The following HMOX1 variants were observed in gnomAD, a reference collection of about 807,000 sequenced individuals.
HMOX1 encodes heme oxygenase 1.
HMOX1 carries 22 observed loss-of-function variants against 27.8 expected under a neutral mutation model. That is an observed-to-expected ratio of 0.79 (90% confidence interval 0.57 to 1.13). The LOEUF is 1.13. HMOX1 is among the 50% of genes most tolerant of loss of function. The pLI is 0.00. For synonymous variants in HMOX1, 153 were observed against 151.6 expected, an observed-to-expected ratio of 1.01 and a Z score of -0.07; for missense variants, 379 against 377.7, an observed-to-expected ratio of 1.00 and a Z score of -0.03.
rs945436973 is a variant in HMOX1 at position 35,385,853 on chromosome 22, G to A, written c.145-832G>A. On this transcript the variant is annotated intron_variant, in intron 2 of 4. Transcript: ENST00000216117. ...CTGGTCTCTTGGCCAGGCTGGTCTC[G>A]AACTCCTGATCTCGTGATCCGCCTG... Among the ~76,000 whole-genome samples the A allele has an allele frequency of 3.3e-5, 5 of 151,980 alleles. No individual in the cohort carries two copies. The South Asian group carries it at 6.2e-4, about 19-fold the overall frequency.
At chr22:35,382,422 G>T (rs966075837) in intron 1 of HMOX1, among the ~76,000 whole-genome samples, 11 of 152,084 alleles carry the variant, frequency 7.2e-5, no homozygotes, top group South Asian at 2.1e-4. Flanking sequence ...CGCGATCTCG[G>T]CTCACTGCAA....
intron 3 of HMOX1, 21 bp from the exon 4 acceptor site, chr22:35,389,843 T>C: frequency 6.5e-7 from 1 of 1,544,668 alleles, no homozygotes; most frequent in South Asian, 1.2e-5. Flanking sequence ...GAGATAGGCA[T>C]GTGTGTCTTT....
At chr22:35,382,276 T>C (rs568559287) in intron 1 of HMOX1, among the ~76,000 whole-genome samples, 83 of 152,210 alleles carry the variant, frequency 5.5e-4, no homozygotes, top group African/African-American at 1.9e-3. Flanking sequence ...GACTGAAGAG[T>C]GTTTACAAAG....
In HMOX1 at chr22:35,390,875, C is replaced by T. The variant is rs184854900; in HGVS notation, c.736+912C>T. 4.6e-5 allele frequency among the ~76,000 whole-genome samples: 7 copies of T among 152,234 alleles called. No homozygotes were observed. In the East Asian group the frequency reaches 5.8e-4, roughly 13 times the overall value. On this transcript the variant is annotated intron_variant, in intron 4 of 4. Transcript: ENST00000216117. ...AGCCCCTCCCTCATGTGCCTAAGAA[C>T]GATCAAGGCTGGCTGTACTGAAACA...
At chr22:35,383,363 A>T (rs1424396622) in intron 2 of HMOX1, 137 bp downstream of exon 2, 2 of 1,004,022 alleles carry the variant, frequency 2.0e-6, no homozygotes, top group African/African-American at 3.2e-5. Context: ...AAAAATGATG[A>T]CACTGAGGCT....
At position 35,394,124 on chromosome 22, in the gene HMOX1, G is replaced by A. The variant is rs1486574242; in HGVS notation, c.*526G>A. 4.0e-5 allele frequency: 8 copies of A among 202,082 alleles called. No individual in the cohort carries two copies. The highest frequency in any genetic ancestry group is 2.1e-4 in the Admixed American group (4 of 18,960). 12.5% of individuals were successfully genotyped at this position (202,082 alleles called of 1,614,324 possible). A position where few individuals can be genotyped will look rare whatever the true frequency, so the allele number is the denominator to read the frequency against. ...GGTTGGGGTGGTTTTTGAGCCATGCGTGGGTGGGGAGGGAGGTGTTTAACG... is the reference window on the plus strand; with the variant it reads ...GGTTGGGGTGGTTTTTGAGCCATGCATGGGTGGGGAGGGAGGTGTTTAACG... On this transcript the variant is annotated 3_prime_UTR_variant, in exon 5 of 5. Transcript: ENST00000216117.
intron 3 of HMOX1, among the ~76,000 whole-genome samples, chr22:35,389,298 T>C (rs867883331): frequency 6.9e-5 from 8 of 116,332 alleles, no homozygotes; most frequent in African/African-American, 3.4e-4. Context: ...TCTTCTTTCT[T>C]CTTTCTTTCT....
At chr22:35,381,328 A>C in intron 1 of HMOX1, 132 bp downstream of exon 1, 1 of 1,094,900 alleles carries the variant, frequency 9.1e-7, no homozygotes, top group Non-Finnish European at 1.3e-6. Flanking sequence ...TGGAGTCAGG[A>C]GGTGCGGGGT....
chr22:35,390,833 G>C (rs551354881), intron 4 of HMOX1, among the ~76,000 whole-genome samples: 1 of 152,282 alleles, frequency 6.6e-6, no homozygotes, highest in East Asian at 1.9e-4. Flanking sequence ...TGTCCCTTCT[G>C]AGTCTTGTTG....
At chr22:35,389,449 T>TTTCTTTCTTTCTTTCTTTTCTTTCTTTC (rs1555901645) in intron 3 of HMOX1, among the ~76,000 whole-genome samples, 2 of 102,726 alleles carry the variant, frequency 1.9e-5, no homozygotes, top group African/African-American at 1.6e-4. Flanking sequence ...TCTTTCTTTC[T>TTTCTTTCTTTCTTTCTTTTCTTTCTTTC]TTTCTTTCTT....
chr22:35,381,292 A>C, intron 1 of HMOX1, 96 bp downstream of exon 1: 1 of 1,408,430 alleles, frequency 7.1e-7, no homozygotes. Flanking sequence ...ACAGCGACAG[A>C]GCCCAGGAGC....
chr22:35,389,248 T>TC (rs1931599290), intron 3 of HMOX1, among the ~76,000 whole-genome samples: 1 of 124,152 alleles, frequency 8.1e-6, no homozygotes, highest in African/African-American at 4.2e-5. Flanking sequence ...TTTTTCTTTC[T>TC]TTTCTCTCTC....
intron 3 of HMOX1, among the ~76,000 whole-genome samples, chr22:35,388,155 G>A (rs983170228): frequency 2.0e-5 from 3 of 151,766 alleles, no homozygotes; most frequent in African/African-American, 4.8e-5. Context: ...TAAAAGAAAA[G>A]GGATTTGGAA....
chr22:35,389,395 C>CCTTCCTTCCTTCCTTCCTTTCTTT (rs1555901604), intron 3 of HMOX1, among the ~76,000 whole-genome samples: 3 of 51,806 alleles, frequency 5.8e-5, no homozygotes, highest in Admixed American at 2.0e-4. Context: ...TTCCTTCCTT[C>CCTTCCTTCCTTCCTTCCTTTCTTT]CTTTCTTTCT....
At position 35,393,501 on chromosome 22, in the gene HMOX1, C is replaced by G; in HGVS notation, c.770C>G (p.Pro257Arg). The G allele has an allele frequency of 6.2e-7, 1 of 1,614,168 alleles. No homozygotes were observed. The highest frequency in any genetic ancestry group is 8.5e-7 in the Non-Finnish European group (1 of 1,180,016). Residue 257 changes from proline (P) to arginine (R), a missense_variant, in exon 5 of 5, where the codon CCC becomes CGC. Pro to Arg is a moderately radical substitution (Grantham distance 103). Coordinates refer to ENST00000216117, the MANE Select transcript of HMOX1 (RefSeq NM_002133.3). ...CCCGTGGAGACTCCCAGAGGGAAGC[C>G]CCCACTCAACACCCGCTCCCAGGCT... is the stretch of plus-strand genomic sequence containing the variant. ...SAPVETPRGKPPLNTRSQAPL... is the reference protein window; with the variant it reads ...SAPVETPRGKRPLNTRSQAPL...
chr22:35,384,884 C>T (rs1341185618), intron 2 of HMOX1, among the ~76,000 whole-genome samples: 1 of 151,270 alleles, frequency 6.6e-6, no homozygotes, highest in Non-Finnish European at 1.5e-5. Context: ...AAGTGGCTCA[C>T]CCATGGTCAC....
In HMOX1 at chr22:35,393,711, G is replaced by A; in HGVS notation, c.*113G>A. 1 of 1,262,324 alleles carries A rather than the reference G, an allele frequency of 7.9e-7. No individual in the cohort carries two copies. The highest frequency in any genetic ancestry group is 1.2e-6 in the Non-Finnish European group (1 of 864,856). The allele number at this position is 1,262,324 out of a possible 1,614,324, so 78.2% of individuals were successfully genotyped here. On this transcript the variant is annotated 3_prime_UTR_variant, in exon 5 of 5. Coordinates refer to ENST00000216117, the MANE Select transcript of HMOX1 (RefSeq NM_002133.3). ...TACCGTGGGCACTGAAGGCTTTCAG[G>A]GCCTCCAGCCCTCTCACTGTGTCCC...
At chr22:35,383,434 G>T (rs1931431950) in intron 2 of HMOX1, among the ~76,000 whole-genome samples, 1 of 152,180 alleles carries the variant, frequency 6.6e-6, no homozygotes, top group Non-Finnish European at 1.5e-5. Flanking sequence ...CTGTAATGTT[G>T]TGGAGGGGCT....
chr22:35,381,134 C>A lies in HMOX1; in HGVS notation c.-40C>A. 6.5e-7 allele frequency: 1 copy of A among 1,537,416 alleles called. No homozygotes were observed. The highest frequency in any genetic ancestry group is 1.4e-5 in the African/African-American group (1 of 73,264). On this transcript the variant is annotated 5_prime_UTR_variant, in exon 1 of 5. Coordinates refer to ENST00000216117, the MANE Select transcript of HMOX1 (RefSeq NM_002133.3). ...TCTCGAGCGTCCTCAGCGCAGCCGC[C>A]GCCCGCGGAGCCAGCACGAACGAGC... is the stretch of plus-strand genomic sequence containing the variant.
Sources: allele counts gnomAD v4.1 joint callset (sites outside exome capture counted in the v4.1 genomes callset), GRCh38; gene constraint gnomAD v4.1.1; transcripts MANE v1.5; gene names NCBI Gene and HGNC (gene_info 2026-07-23, HGNC 2026-07-21).